Variants in PTPRN2 observed in about 807,000 individuals in gnomAD.
The protein encoded by PTPRN2 is receptor-type tyrosine-protein phosphatase N2.
In PTPRN2, 74 loss-of-function variants were observed where a neutral mutation model predicts 118.8. The observed-to-expected ratio is 0.62, with a 90% CI of 0.52 to 0.76. The LOEUF is 0.76. PTPRN2 is among the 30% of genes least tolerant of loss of function. PTPRN2 has a pLI of 0.00. For missense variants in PTPRN2, 1,481 were observed against 1,394.4 expected (o/e 1.06, Z -0.99); for synonymous variants, 641 against 608.0 (o/e 1.05, Z -0.80).
At chr7:158,449,348 C>T (rs879607885) in intron 2 of PTPRN2, among the ~76,000 whole-genome samples, 4 of 152,182 alleles carry the variant, frequency 2.6e-5, no homozygotes, top group Non-Finnish European at 2.9e-5. Context: ...AGGGCCCTCC[C>T]GGAGCAGCAG....
At chr7:158,305,936 A>G (rs1371977973) in intron 3 of PTPRN2, among the ~76,000 whole-genome samples, 5 of 152,106 alleles carry the variant, frequency 3.3e-5, no homozygotes, top group Admixed American at 2.0e-4. Flanking sequence ...GCAGCCCACA[A>G]TGGCAGTAAA....
intron 12 of PTPRN2, among the ~76,000 whole-genome samples, chr7:157,877,502 G>A (rs779293507): frequency 8.6e-5 from 13 of 150,864 alleles, no homozygotes; most frequent in Admixed American, 2.0e-4. Context: ...TCGGGGCCCC[G>A]GGTCCAAGTG....
chr7:157,886,620 T>C (rs1334933853), intron 12 of PTPRN2, among the ~76,000 whole-genome samples: 1 of 152,254 alleles, frequency 6.6e-6, no homozygotes. Context: ...TGTTTCATGA[T>C]GAACTCCTAT....
At chr7:157,805,283 A>G (rs1439208155) in intron 12 of PTPRN2, among the ~76,000 whole-genome samples, 2 of 130,376 alleles carry the variant, frequency 1.5e-5, no homozygotes, top group Admixed American at 8.1e-5. Flanking sequence ...AAAAATATAT[A>G]TACTCCTGTG....
intron 3 of PTPRN2, among the ~76,000 whole-genome samples, chr7:158,262,782 TAC>T (rs145898059): frequency 0.29 from 38,688 of 132,538 alleles, 5,123 homozygotes; most frequent in Middle Eastern, 0.43. Flanking sequence ...TCACACACAC[TAC>T]ACACATACAC....
At chr7:157,812,157 T>C (rs1860473) in intron 12 of PTPRN2, among the ~76,000 whole-genome samples, 38,053 of 152,122 alleles carry the variant, frequency 0.25, 7,119 homozygotes, top group African/African-American at 0.52. Context: ...CAGTGTCTGC[T>C]CTGGCCAAGG....
intron 2 of PTPRN2, among the ~76,000 whole-genome samples, chr7:158,366,313 GCAAATGCA>G (rs1334821185): frequency 6.9e-6 from 1 of 145,512 alleles, no homozygotes; most frequent in Non-Finnish European, 1.5e-5. Flanking sequence ...ATGCACGTGT[GCAAATGCA>G]CACACACACC....
chr7:157,721,784 GCTC>G (rs1351110582), intron 12 of PTPRN2, among the ~76,000 whole-genome samples: 1 of 152,198 alleles, frequency 6.6e-6, no homozygotes, highest in Admixed American at 6.5e-5. Context: ...CTCCTCCTGT[GCTC>G]CTGCTCCCAC....
intron 2 of PTPRN2, among the ~76,000 whole-genome samples, chr7:158,358,095 G>A (rs1371494636): frequency 6.6e-6 from 1 of 152,214 alleles, no homozygotes; most frequent in Non-Finnish European, 1.5e-5. Context: ...TCGAATACAT[G>A]AACTCAGCCC....
rs115601930 is a variant in PTPRN2 at position 158,126,717 on chromosome 7, G to C, written c.1556+6960C>G. On this transcript the variant is annotated intron_variant, in intron 9 of 22. Transcript: ENST00000389418. ...TCCGCCACACCAGCCCCCGGAGAGC[G>C]GGCAGTGGTTCCTGAGCACTCGGTG... Among the ~76,000 whole-genome samples, 191 of 146,076 alleles carry C rather than the reference G, an allele frequency of 1.3e-3. 5 individuals carry two copies. The highest frequency in any genetic ancestry group is 5.1e-3 in the African/African-American group (181 of 35,826).
At chr7:158,130,795 A>T (rs1026773691) in intron 9 of PTPRN2, among the ~76,000 whole-genome samples, 1 of 150,864 alleles carries the variant, frequency 6.6e-6, no homozygotes, top group African/African-American at 2.4e-5. Flanking sequence ...GCACAAACCA[A>T]TACTCATCTA....
intron 9 of PTPRN2, among the ~76,000 whole-genome samples, chr7:158,114,060 T>A (rs1321924621): frequency 6.6e-6 from 1 of 152,180 alleles, no homozygotes; most frequent in Non-Finnish European, 1.5e-5. Context: ...GACAGTGTAT[T>A]TAAAATAAAA....
At chr7:157,681,295 T>C (rs926845188) in intron 13 of PTPRN2, among the ~76,000 whole-genome samples, 1 of 152,264 alleles carries the variant, frequency 6.6e-6, no homozygotes, top group Non-Finnish European at 1.5e-5. Flanking sequence ...AGACTTGGCC[T>C]GAAGACCTGG....
chr7:158,341,031 A>ACT (rs1554471036), intron 2 of PTPRN2, among the ~76,000 whole-genome samples: 3 of 14,806 alleles, frequency 2.0e-4, no homozygotes, highest in Non-Finnish European at 4.6e-4. Context: ...TCACACCCAC[A>ACT]CTCACCATGA....
At chr7:157,562,033 C>A (rs928697831) in intron 21 of PTPRN2, among the ~76,000 whole-genome samples, 38 of 152,280 alleles carry the variant, frequency 2.5e-4, no homozygotes, top group African/African-American at 9.1e-4. Flanking sequence ...GGGGGATGCA[C>A]CCTGGGGAGG....
chr7:158,171,177 C>G (rs1281073651), intron 5 of PTPRN2, among the ~76,000 whole-genome samples: 2 of 138,220 alleles, frequency 1.4e-5, no homozygotes, highest in African/African-American at 5.3e-5. Context: ...CATATATACA[C>G]ATATATACAC....
chr7:158,046,566 C>A (rs989274275), intron 11 of PTPRN2, among the ~76,000 whole-genome samples: 1 of 152,244 alleles, frequency 6.6e-6, no homozygotes, highest in South Asian at 2.1e-4. Flanking sequence ...CTCAGCACCA[C>A]ACCTTCCACC....
intron 11 of PTPRN2, among the ~76,000 whole-genome samples, chr7:157,969,207 T>TA (rs1449306232): frequency 6.6e-6 from 1 of 152,034 alleles, no homozygotes; most frequent in East Asian, 1.9e-4. Flanking sequence ...CTTCCCAGGC[T>TA]AAAGCGATCT....
intron 13 of PTPRN2, among the ~76,000 whole-genome samples, chr7:157,679,110 T>C (rs532104864): frequency 1.3e-5 from 2 of 151,980 alleles, no homozygotes; most frequent in South Asian, 2.1e-4. Flanking sequence ...AATATATATA[T>C]ACACACATAT....
Sources: allele counts gnomAD v4.1 joint callset (sites outside exome capture counted in the v4.1 genomes callset), GRCh38; gene constraint gnomAD v4.1.1; transcripts MANE v1.5; gene names NCBI Gene and HGNC (gene_info 2026-07-23, HGNC 2026-07-21).